The following RAB27B variants were observed in gnomAD, a reference collection of about 807,000 sequenced individuals.
RAB27B encodes ras-related protein Rab-27B.
Under a neutral mutation model 24.6 loss-of-function variants are expected in RAB27B, and 15 were observed. That is an observed-to-expected ratio of 0.61 (90% confidence interval 0.41 to 0.94). The LOEUF (loss-of-function observed/expected upper bound fraction) is 0.94, where lower values mean the gene tolerates loss of function less well. Among genes scored for constraint, RAB27B ranks in the 40% least tolerant of loss-of-function variants. The pLI is 0.00. For missense variants in RAB27B, 261 were observed against 266.8 expected, an observed-to-expected ratio of 0.98 and a Z score of 0.15; for synonymous variants, 105 against 92.5, an observed-to-expected ratio of 1.14 and a Z score of -0.78.
At chr18:54,732,401 G>A (rs1909757873) in intron 2 of RAB27B, among the ~76,000 whole-genome samples, 1 of 152,100 alleles carries the variant, frequency 6.6e-6, no homozygotes, top group Non-Finnish European at 1.5e-5. Flanking sequence ...AGAGACATTT[G>A]AAATCTTGGC....
At chr18:54,860,925 C>T (rs1911985441) in intron 1 of RAB27B, among the ~76,000 whole-genome samples, 1 of 152,176 alleles carries the variant, frequency 6.6e-6, no homozygotes, top group Non-Finnish European at 1.5e-5. Flanking sequence ...CAATGAATAG[C>T]CAACATTCTT....
At chr18:54,772,503 A>T (rs769292860) in intron 2 of RAB27B, among the ~76,000 whole-genome samples, 6 of 152,214 alleles carry the variant, frequency 3.9e-5, no homozygotes, top group African/African-American at 1.4e-4. Flanking sequence ...CTACGATTCC[A>T]CACAGCAATT....
intron 1 of RAB27B, among the ~76,000 whole-genome samples, chr18:54,848,242 T>C (rs1911416987): frequency 6.6e-6 from 1 of 152,244 alleles, no homozygotes; most frequent in Non-Finnish European, 1.5e-5. Flanking sequence ...TAAACTTGAT[T>C]TAACAGACCT....
At chr18:54,783,669 A>G (rs777299850) in intron 2 of RAB27B, among the ~76,000 whole-genome samples, 10 of 152,336 alleles carry the variant, frequency 6.6e-5, no homozygotes, top group Non-Finnish European at 1.2e-4. Context: ...ATGGAAACCC[A>G]GGAAGCTGGA....
At position 54,888,012 on chromosome 18, in the gene RAB27B, G is replaced by A; in HGVS notation, c.361G>A (p.Ala121Thr). The A allele has an allele frequency of 1.2e-6, 2 of 1,611,940 alleles. No homozygotes were observed. Among genetic ancestry groups the A allele is most frequent in the South Asian group, 1.1e-5 (1 of 90,660 alleles). ...TTTTCAAGGCCAACTGCAAGCAAATGCTTATTGTGAAAATCCAGATATAGT... is the reference window on the plus strand; with the variant it reads ...TTTTCAAGGCCAACTGCAAGCAAATACTTATTGTGAAAATCCAGATATAGT... ...RNWMSQLQANAYCENPDIVLI... is the reference protein window; with the variant it reads ...RNWMSQLQANTYCENPDIVLI... The change falls in exon 5 of 6, where the codon GCT becomes ACT. Residue 121 changes from alanine (A) to threonine (T), a missense_variant. By Grantham distance (58) the Ala-to-Thr change is moderately conservative. Coordinates refer to ENST00000262094, the MANE Select transcript of RAB27B (RefSeq NM_004163.4).
At chr18:54,799,670 C>T (rs1319926823) in intron 2 of RAB27B, among the ~76,000 whole-genome samples, 2 of 118,822 alleles carry the variant, frequency 1.7e-5, no homozygotes, top group Non-Finnish European at 3.2e-5. Context: ...TGCTCTGCCA[C>T]CCAGGCTGGA....
At chr18:54,718,498 C>A (rs1598854548) in intron 2 of RAB27B, among the ~76,000 whole-genome samples, 1 of 152,278 alleles carries the variant, frequency 6.6e-6, no homozygotes, top group East Asian at 1.9e-4. Flanking sequence ...GTGTTGGAGT[C>A]TTTTTATGCT....
chr18:54,814,618 A>G (rs1348370143), intron 2 of RAB27B, among the ~76,000 whole-genome samples: 2 of 152,222 alleles, frequency 1.3e-5, no homozygotes, highest in East Asian at 3.8e-4. Context: ...AGTTATATCT[A>G]ATCCCTCTTC....
intron 1 of RAB27B, among the ~76,000 whole-genome samples, chr18:54,865,237 T>TTGTGTGTG (rs3060044): frequency 0.096 from 13,698 of 143,320 alleles, 663 homozygotes; most frequent in South Asian, 0.14. Flanking sequence ...CAATGGCCTT[T>TTGTGTGTG]TGTGTGTGTG....
chr18:54,733,652 C>CCCA (rs1909796024), intron 2 of RAB27B, among the ~76,000 whole-genome samples: 2 of 99,422 alleles, frequency 2.0e-5, no homozygotes, highest in Admixed American at 1.1e-4. Context: ...GTTCTAGAGC[C>CCCA]CCCCCCCCCC....
chr18:54,722,588 A>T (rs1168904593), intron 2 of RAB27B, among the ~76,000 whole-genome samples: 3 of 152,162 alleles, frequency 2.0e-5, no homozygotes, highest in Non-Finnish European at 4.4e-5. Flanking sequence ...AGAAGAGGCA[A>T]TTGATAAAGA....
intron 2 of RAB27B, among the ~76,000 whole-genome samples, chr18:54,798,029 A>G (rs1427650668): frequency 6.6e-6 from 1 of 151,784 alleles, no homozygotes; most frequent in Non-Finnish European, 1.5e-5. Context: ...TTTTTTTCAA[A>G]ACTCCTTAGG....
chr18:54,763,591 A>G (rs1240161401), intron 2 of RAB27B, among the ~76,000 whole-genome samples: 1 of 152,198 alleles, frequency 6.6e-6, no homozygotes, highest in Non-Finnish European at 1.5e-5. Flanking sequence ...AAGCCTGGAA[A>G]TACAGGCTGA....
chr18:54,844,254 T>A (rs180834492), intron 1 of RAB27B, among the ~76,000 whole-genome samples: 2 of 152,104 alleles, frequency 1.3e-5, no homozygotes, highest in East Asian at 3.9e-4. Flanking sequence ...ATCCTAAAAA[T>A]TTTCACTAAA....
intron 1 of RAB27B, among the ~76,000 whole-genome samples, chr18:54,847,812 T>A (rs1253085861): frequency 1.3e-5 from 2 of 151,838 alleles, no homozygotes; most frequent in Non-Finnish European, 2.9e-5. Flanking sequence ...TTTCCAAACA[T>A]GGTTATTAAC....
intron 2 of RAB27B, among the ~76,000 whole-genome samples, chr18:54,789,206 AATTAT>A (rs1396897936): frequency 6.6e-6 from 1 of 152,182 alleles, no homozygotes; most frequent in Non-Finnish European, 1.5e-5. Flanking sequence ...GCATCCTTAA[AATTAT>A]ATTATGAGAA....
intron 2 of RAB27B, among the ~76,000 whole-genome samples, chr18:54,784,639 T>G (rs1451546700): frequency 2.6e-5 from 4 of 151,814 alleles, no homozygotes; most frequent in Non-Finnish European, 5.9e-5. Flanking sequence ...GCACAGGATG[T>G]GATTTTGTTC....
chr18:54,854,930 G>T (rs938763863), intron 1 of RAB27B, among the ~76,000 whole-genome samples: 1 of 152,042 alleles, frequency 6.6e-6, no homozygotes, highest in Non-Finnish European at 1.5e-5. Flanking sequence ...GGATGGTTTC[G>T]GGATGATTCA....
intron 1 of RAB27B, among the ~76,000 whole-genome samples, chr18:54,854,910 TG>T (rs529167019): frequency 1.4e-3 from 218 of 152,308 alleles, no homozygotes; most frequent in African/African-American, 4.8e-3. Flanking sequence ...TTTCACAGAC[TG>T]GGATTGGGGG....
Sources: gnomAD v4.1 joint callset for allele counts (sites outside exome capture counted in the v4.1 genomes callset) on GRCh38, gnomAD v4.1.1 for gene constraint, MANE v1.5 for transcripts, NCBI Gene and HGNC (gene_info 2026-07-23, HGNC 2026-07-21) for gene names.